PPM1L: variants seen among roughly 807,000 people sequenced by gnomAD.
PPM1L encodes protein phosphatase 1L.
Under a neutral mutation model 31.4 loss-of-function variants are expected in PPM1L, and 13 were observed. That is an observed-to-expected ratio of 0.41 (90% CI 0.27 to 0.66). PPM1L has a LOEUF of 0.66. Ranked by LOEUF, PPM1L falls within the 30% of genes least tolerant of loss-of-function variation. PPM1L has a pLI of 0.29. For missense variants in PPM1L, 326 were observed against 453.7 expected (o/e 0.72, Z 2.56); for synonymous variants, 184 against 175.4 (o/e 1.05, Z -0.39).
intron 2 of PPM1L, among the ~76,000 whole-genome samples, chr3:161,010,607 C>A (rs866371572): frequency 1.1e-4 from 16 of 152,290 alleles, no homozygotes; most frequent in Middle Eastern, 3.4e-3. Flanking sequence ...ACACTGTCTT[C>A]CACAATGGTT....
At chr3:161,001,341 G>A (rs192713485) in intron 2 of PPM1L, among the ~76,000 whole-genome samples, 2 of 152,168 alleles carry the variant, frequency 1.3e-5, no homozygotes, top group East Asian at 3.9e-4. Context: ...GAGTACAGTG[G>A]TGCAATCTCT....
intron 1 of PPM1L, among the ~76,000 whole-genome samples, chr3:160,872,555 A>G (rs1712350773): frequency 1.3e-5 from 2 of 152,200 alleles, no homozygotes; most frequent in Non-Finnish European, 2.9e-5. Flanking sequence ...TTAAATTTTG[A>G]TTGCATTTTA....
At chr3:160,874,222 C>T (rs1231088684) in intron 1 of PPM1L, among the ~76,000 whole-genome samples, 1 of 152,190 alleles carries the variant, frequency 6.6e-6, no homozygotes, top group Non-Finnish European at 1.5e-5. Context: ...GAGTGCATAA[C>T]TCAAAGATGC....
intron 2 of PPM1L, among the ~76,000 whole-genome samples, chr3:161,061,388 A>C (rs1260444999): frequency 6.6e-6 from 1 of 152,202 alleles, no homozygotes; most frequent in Non-Finnish European, 1.5e-5. Context: ...ATAGTCCTGA[A>C]AACTTCACCA....
intron 3 of PPM1L, 52 bp from the exon 4 acceptor site, chr3:161,068,748 AGACTATCCCAG>A: frequency 1.4e-6 from 2 of 1,381,572 alleles, no homozygotes; most frequent in Non-Finnish European, 2.0e-6. Flanking sequence ...GCACGTACCT[AGACTATCCCAG>A]GTAAGTGAGA....
At chr3:161,045,513 GA>G in intron 2 of PPM1L, among the ~76,000 whole-genome samples, 1 of 152,306 alleles carries the variant, frequency 6.6e-6, no homozygotes, top group East Asian at 1.9e-4. Context: ...ACCTGCTCCT[GA>G]ATGACTACTG....
intron 1 of PPM1L, among the ~76,000 whole-genome samples, chr3:160,945,181 T>C (rs905485827): frequency 3.4e-5 from 5 of 147,144 alleles, no homozygotes; most frequent in Non-Finnish European, 7.4e-5. Context: ...AGTTTGGCCA[T>C]CCATCTGTAA....
intron 2 of PPM1L, among the ~76,000 whole-genome samples, chr3:160,979,968 T>C (rs1323953301): frequency 6.6e-6 from 1 of 151,984 alleles, no homozygotes; most frequent in Non-Finnish European, 1.5e-5. Flanking sequence ...AATAATAAGG[T>C]CCAAGGCATG....
chr3:160,901,067 A>G (rs1483033564), intron 1 of PPM1L, among the ~76,000 whole-genome samples: 1 of 152,072 alleles, frequency 6.6e-6, no homozygotes, highest in Non-Finnish European at 1.5e-5. Context: ...AGGCTATCCC[A>G]GGGCTCGTTC....
At chr3:160,794,252 A>G (rs1712181083) in intron 1 of PPM1L, among the ~76,000 whole-genome samples, 1 of 152,158 alleles carries the variant, frequency 6.6e-6, no homozygotes, top group South Asian at 2.1e-4. Flanking sequence ...GTGTTCTGGA[A>G]TGTCAAATTA....
rs149995763 is a variant in PPM1L at position 160,915,718 on chromosome 3, C to T, written c.400-46018C>T. ...ACTGGTACCAAAACAGAGATATAGA[C>T]CAATGGAACAGAACAGAGCCCTCAG... On this transcript the variant is annotated intron_variant, in intron 1 of 3. Coordinates refer to ENST00000498165, the MANE Select transcript of PPM1L (RefSeq NM_139245.4). Among the ~76,000 whole-genome samples, 555 of 152,210 alleles carry T rather than the reference C, an allele frequency of 3.6e-3. 5 individuals are homozygous for T. The highest frequency in any genetic ancestry group is 0.013 in the African/African-American group (528 of 41,534).
chr3:161,065,075 A>T (rs540072840), intron 2 of PPM1L, among the ~76,000 whole-genome samples: 57 of 152,170 alleles, frequency 3.7e-4, no homozygotes, highest in African/African-American at 1.3e-3. Context: ...AGTGTGTATC[A>T]GTTGACTGAA....
chr3:160,811,130 A>T (rs1712791316), intron 1 of PPM1L, among the ~76,000 whole-genome samples: 1 of 152,250 alleles, frequency 6.6e-6, no homozygotes, highest in Non-Finnish European at 1.5e-5. Flanking sequence ...GCATGGAAAT[A>T]GTGGAAACAA....
At chr3:161,046,790 C>G (rs889159496) in intron 2 of PPM1L, among the ~76,000 whole-genome samples, 2 of 152,072 alleles carry the variant, frequency 1.3e-5, no homozygotes, top group African/African-American at 4.8e-5. Flanking sequence ...TCAACATACG[C>G]AAATCAATAA....
In PPM1L at chr3:161,004,698, A is replaced by AT. The variant is rs1279461391; in HGVS notation, c.574+42794dup. ...GATCGGTGGTGATATCCCCTTTATC[A>AT]TTTTTTATTGCGTCTATTTGATTCT... is the stretch of plus-strand genomic sequence containing the variant. On this transcript the variant is annotated intron_variant, in intron 2 of 3. Coordinates refer to ENST00000498165, the MANE Select transcript of PPM1L (RefSeq NM_139245.4). 1.0e-3 allele frequency among the ~76,000 whole-genome samples: 150 copies of AT among 148,522 alleles called. 1 individual carries two copies. Among genetic ancestry groups the AT allele is most frequent in the African/African-American group, 3.4e-3 (139 of 40,494 alleles).
intron 2 of PPM1L, among the ~76,000 whole-genome samples, chr3:161,018,039 A>T (rs927880073): frequency 3.7e-4 from 56 of 151,968 alleles, no homozygotes; most frequent in African/African-American, 1.3e-3. Flanking sequence ...CAAGCCAATG[A>T]CTCCTTAAAA....
At chr3:160,842,621 G>T (rs886660233) in intron 1 of PPM1L, among the ~76,000 whole-genome samples, 1 of 152,156 alleles carries the variant, frequency 6.6e-6, no homozygotes, top group Non-Finnish European at 1.5e-5. Context: ...GAAGAAGTTA[G>T]CTGCTTAATT....
intron 1 of PPM1L, among the ~76,000 whole-genome samples, chr3:160,934,520 G>A (rs571875655): frequency 2.0e-5 from 3 of 152,286 alleles, no homozygotes; most frequent in Admixed American, 2.0e-4. Flanking sequence ...AATGTCTCAT[G>A]TAATTCCTTC....
chr3:161,055,625 T>C (rs919165322), intron 2 of PPM1L, among the ~76,000 whole-genome samples: 45 of 152,124 alleles, frequency 3.0e-4, no homozygotes, highest in African/African-American at 1.1e-3. Flanking sequence ...GTGTTGATTC[T>C]CCTGTGCTGT....
Sources: gnomAD v4.1 joint callset for allele counts (sites outside exome capture counted in the v4.1 genomes callset) on GRCh38, gnomAD v4.1.1 for gene constraint, MANE v1.5 for transcripts, NCBI Gene and HGNC (gene_info 2026-07-23, HGNC 2026-07-21) for gene names.